Variants in OSBPL1A observed in about 807,000 individuals in gnomAD.
OSBPL1A encodes oxysterol-binding protein-related protein 1.
OSBPL1A carries 80 observed loss-of-function variants against 137.1 expected under a neutral mutation model. That is an observed-to-expected ratio of 0.58 (90% CI 0.49 to 0.70). OSBPL1A has a LOEUF of 0.70. OSBPL1A is among the 30% of genes least tolerant of loss of function. OSBPL1A has a pLI of 0.00. For synonymous variants in OSBPL1A, 365 were observed against 389.7 expected (o/e 0.94, Z 0.75); for missense variants, 970 against 1,129.4 (o/e 0.86, Z 2.02).
intron 15 of OSBPL1A, among the ~76,000 whole-genome samples, chr18:24,255,488 T>A (rs1567979261): frequency 6.6e-6 from 1 of 152,170 alleles, no homozygotes; most frequent in Non-Finnish European, 1.5e-5. Context: ...GATAAATGCA[T>A]AATTGATTGT....
intron 17 of OSBPL1A, among the ~76,000 whole-genome samples, chr18:24,205,913 C>T (rs1309081042): frequency 6.6e-6 from 1 of 152,176 alleles, no homozygotes; most frequent in Non-Finnish European, 1.5e-5. Context: ...TGTTTTGAGA[C>T]AGAGTCTCGA....
intron 4 of OSBPL1A, chr18:24,365,000 G>C (rs1253837936): frequency 1.6e-5 from 2 of 125,240 alleles, no homozygotes; most frequent in African/African-American, 6.2e-5. Context: ...GTGAAAGAGC[G>C]AGACCCTGTC....
chr18:24,341,071 T>C (rs979806984), intron 5 of OSBPL1A, among the ~76,000 whole-genome samples: 3 of 152,204 alleles, frequency 2.0e-5, no homozygotes, highest in Non-Finnish European at 4.4e-5. Flanking sequence ...TCAGGGTTCA[T>C]TGCAGCCTCA....
intron 15 of OSBPL1A, among the ~76,000 whole-genome samples, chr18:24,252,252 A>ATTT: frequency 6.6e-6 from 1 of 152,292 alleles, no homozygotes; most frequent in East Asian, 1.9e-4. Flanking sequence ...TAACCCAAAG[A>ATTT]AGACGACCTC....
intron 15 of OSBPL1A, among the ~76,000 whole-genome samples, chr18:24,264,214 G>A: frequency 6.6e-6 from 1 of 151,400 alleles, no homozygotes; most frequent in Admixed American, 6.6e-5. Flanking sequence ...AAAACAGAAA[G>A]AGAAATACAA....
At chr18:24,372,076 G>A (rs1905685252) in intron 2 of OSBPL1A, among the ~76,000 whole-genome samples, 1 of 152,066 alleles carries the variant, frequency 6.6e-6, no homozygotes, top group Non-Finnish European at 1.5e-5. Context: ...AGGAGTTCAA[G>A]ATGAGCCTGG....
intron 16 of OSBPL1A, among the ~76,000 whole-genome samples, chr18:24,235,678 A>T (rs889956985): frequency 3.3e-5 from 5 of 152,304 alleles, no homozygotes; most frequent in East Asian, 3.9e-4. Context: ...TTTGTTTTTT[A>T]TACATAAAGC....
chr18:24,328,199 C>T (rs1042347182), intron 7 of OSBPL1A, among the ~76,000 whole-genome samples: 9 of 147,722 alleles, frequency 6.1e-5, no homozygotes, highest in Admixed American at 3.4e-4. Flanking sequence ...CGTGCCACCA[C>T]GCCCGGCTAA....
chr18:24,309,714 T>G (rs2090577675), intron 13 of OSBPL1A, among the ~76,000 whole-genome samples: 1 of 152,154 alleles, frequency 6.6e-6, no homozygotes, highest in Admixed American at 6.6e-5. Context: ...GGATTTTACC[T>G]ATTTTGAACC....
intron 5 of OSBPL1A, among the ~76,000 whole-genome samples, chr18:24,337,167 A>G (rs2091188361): frequency 6.6e-6 from 1 of 152,186 alleles, no homozygotes; most frequent in Non-Finnish European, 1.5e-5. Context: ...GGGCCATTCT[A>G]CAAATAATTC....
intron 23 of OSBPL1A, among the ~76,000 whole-genome samples, chr18:24,171,150 TCAGCC>T (rs939636623): frequency 6.6e-6 from 1 of 151,966 alleles, no homozygotes; most frequent in African/African-American, 2.4e-5. Flanking sequence ...TTCTCCTGCC[TCAGCC>T]TCCCAATGGC....
At chr18:24,307,106 C>A (rs1330693018) in intron 13 of OSBPL1A, among the ~76,000 whole-genome samples, 14 of 143,734 alleles carry the variant, frequency 9.7e-5, no homozygotes, top group South Asian at 2.2e-4. Flanking sequence ...AAAAAAAAAA[C>A]AAAAACAAAA....
chr18:24,354,344 C>T (rs147901546), intron 4 of OSBPL1A, among the ~76,000 whole-genome samples: 13 of 152,222 alleles, frequency 8.5e-5, no homozygotes, highest in East Asian at 5.8e-4. Flanking sequence ...AGTCTCTTAG[C>T]GGACAGAAGC....
rs778887750 is a variant in OSBPL1A at position 24,239,263 on chromosome 18, G to A, written c.1401C>T (p.Pro467=). The A allele has an allele frequency of 3.2e-5, 51 of 1,613,954 alleles. No homozygotes were observed. The highest frequency in any genetic ancestry group is 8.3e-5 in the Admixed American group (5 of 59,970). ...LEQSLVKGSP[P]ASILSEDEFY... ...ACTCGTCCTCGCTAAGGATGCTGGC[G>A]GGTGGAGAGCCTTTCACCAGAGACT... The change falls in exon 16 of 28, where the codon CCC becomes CCT. Residue 467 remains proline (P), a synonymous_variant. Coordinates refer to ENST00000319481, the MANE Select transcript of OSBPL1A (RefSeq NM_080597.4).
intron 1 of OSBPL1A, among the ~76,000 whole-genome samples, chr18:24,388,578 T>C (rs1463516629): frequency 1.3e-5 from 2 of 151,908 alleles, no homozygotes; most frequent in African/African-American, 2.4e-5. Flanking sequence ...GGCGGGCGGA[T>C]CACCTGAGGT....
chr18:24,257,749 C>T (rs967308339), intron 15 of OSBPL1A, among the ~76,000 whole-genome samples: 4 of 152,050 alleles, frequency 2.6e-5, no homozygotes, highest in Admixed American at 1.3e-4. Flanking sequence ...GATGAATATA[C>T]AGAATATATA....
At chr18:24,338,613 T>C (rs2091221991) in intron 5 of OSBPL1A, among the ~76,000 whole-genome samples, 2 of 152,210 alleles carry the variant, frequency 1.3e-5, no homozygotes, top group Non-Finnish European at 2.9e-5. Flanking sequence ...AAGTAACAGC[T>C]CTCAGGTACT....
intron 1 of OSBPL1A, among the ~76,000 whole-genome samples, chr18:24,396,284 A>G (rs1907740167): frequency 6.6e-6 from 1 of 152,004 alleles, no homozygotes; most frequent in African/African-American, 2.4e-5. Flanking sequence ...AAAGTCGGCT[A>G]CAATAATACA....
intron 17 of OSBPL1A, among the ~76,000 whole-genome samples, chr18:24,213,714 G>A (rs1323929076): frequency 6.6e-6 from 1 of 151,890 alleles, no homozygotes; most frequent in African/African-American, 2.4e-5. Flanking sequence ...AACAAATCTG[G>A]CTCTACACAA....
Sources: gnomAD v4.1 joint callset for allele counts (sites outside exome capture counted in the v4.1 genomes callset) on GRCh38, gnomAD v4.1.1 for gene constraint, MANE v1.5 for transcripts, NCBI Gene and HGNC (gene_info 2026-07-23, HGNC 2026-07-21) for gene names.